LRRC37A2: variants seen among roughly 807,000 people sequenced by gnomAD.
LRRC37A2 encodes the protein leucine rich repeat containing 37 member A2, also known as leucine-rich repeat-containing protein 37A2.
LRRC37A2 carries 9 observed loss-of-function variants against 68.8 expected under a neutral mutation model. That is an observed-to-expected ratio of 0.13 (90% CI 0.08 to 0.23). LRRC37A2 has a LOEUF of 0.23. LRRC37A2 is among the 10% of genes least tolerant of loss of function. LRRC37A2 has a pLI of 1.00. For synonymous variants in LRRC37A2, 63 were observed against 367.6 expected, an observed-to-expected ratio of 0.17 and a Z score of 9.48; for missense variants, 168 against 950.4, an observed-to-expected ratio of 0.18 and a Z score of 10.82.
the LRRC37A2 span, among the ~76,000 whole-genome samples, chr17:46,951,786 C>T: frequency 6.6e-6 from 1 of 152,140 alleles, no homozygotes; most frequent in African/African-American, 2.4e-5. Context: ...AAAAATGGCC[C>T]AGGGTGGGAG....
intron 6 of LRRC37A2, among the ~76,000 whole-genome samples, chr17:46,533,803 G>T: frequency 1.1e-5 from 1 of 94,036 alleles, no homozygotes; most frequent in African/African-American, 6.3e-5. Context: ...CGCCCAGCCA[G>T]TGCTTTTTAT....
chr17:46,717,384 A>T, the LRRC37A2 span, among the ~76,000 whole-genome samples: 1 of 152,122 alleles, frequency 6.6e-6, no homozygotes, highest in East Asian at 1.9e-4. Flanking sequence ...AAGTAATAAG[A>T]TCTAGTGTTG....
chr17:47,026,799 G>A, the LRRC37A2 span, among the ~76,000 whole-genome samples: 1 of 152,168 alleles, frequency 6.6e-6, no homozygotes, highest in Non-Finnish European at 1.5e-5. Context: ...ATTAGGTAAA[G>A]GGGTAGCTTC....
the LRRC37A2 span, among the ~76,000 whole-genome samples, chr17:47,026,278 T>A: frequency 6.6e-6 from 1 of 152,122 alleles, no homozygotes; most frequent in African/African-American, 2.4e-5. Context: ...AGGAATGCCA[T>A]GAGTACCCGT....
At chr17:46,938,769 C>T in the LRRC37A2 span, 12 of 1,613,806 alleles carry the variant, frequency 7.4e-6, no homozygotes, top group South Asian at 7.7e-5. Flanking sequence ...GAGCCAGCCA[C>T]GCTCAGTGGC....
At chr17:46,852,389 A>AGTGTGTGTGTGTGTGTGT in the LRRC37A2 span, among the ~76,000 whole-genome samples, 1 of 105,322 alleles carries the variant, frequency 9.5e-6, no homozygotes, top group African/African-American at 3.7e-5. Flanking sequence ...GAGAGGGCCC[A>AGTGTGTGTGTGTGTGTGT]GTGTGTGTGT....
At chr17:46,940,966 G>T in the LRRC37A2 span, 1 of 1,225,856 alleles carries the variant, frequency 8.2e-7, no homozygotes, top group Admixed American at 3.5e-5. Context: ...CACCGCCTCA[G>T]TGTAGGGAAG....
chr17:47,023,744 TCC>T, the LRRC37A2 span, among the ~76,000 whole-genome samples: 1 of 151,962 alleles, frequency 6.6e-6, no homozygotes. Flanking sequence ...ACAGGTGCCC[TCC>T]ATCACACCCA....
chr17:46,925,359 T>C, the LRRC37A2 span, among the ~76,000 whole-genome samples: 1 of 152,380 alleles, frequency 6.6e-6, no homozygotes. Flanking sequence ...TGAATATTTA[T>C]TGAGCACCTA....
chr17:46,879,092 T>C, the LRRC37A2 span, among the ~76,000 whole-genome samples: 1 of 152,234 alleles, frequency 6.6e-6, no homozygotes, highest in Non-Finnish European at 1.5e-5. Context: ...ACCTCAAATA[T>C]ATAGTTTTTA....
At chr17:46,713,882 G>A in the LRRC37A2 span, 1 of 1,612,424 alleles carries the variant, frequency 6.2e-7, no homozygotes, top group South Asian at 1.1e-5. Context: ...GACTGCTTTA[G>A]CTGCAAAAAT....
the LRRC37A2 span, among the ~76,000 whole-genome samples, chr17:46,892,064 G>A: frequency 1.3e-5 from 2 of 151,518 alleles, no homozygotes; most frequent in African/African-American, 4.9e-5. Context: ...GATTACAGGT[G>A]TCCACCACCA....
chr17:46,939,070 C>CGT, the LRRC37A2 span: 1 of 1,228,644 alleles, frequency 8.1e-7, no homozygotes, highest in South Asian at 1.5e-5. Flanking sequence ...ATAGCTGATG[C>CGT]GTGCCCTGGG....
At chr17:46,661,383 T>TATG in the LRRC37A2 span, among the ~76,000 whole-genome samples, 2 of 94,468 alleles carry the variant, frequency 2.1e-5, no homozygotes, top group Non-Finnish European at 3.6e-5. Context: ...TTCTTTTTAT[T>TATG]ATTATTATTA....
chr17:46,923,165 C>A, the LRRC37A2 span: 3 of 1,465,082 alleles, frequency 2.0e-6, no homozygotes, highest in Admixed American at 2.0e-5. Flanking sequence ...AAGCCAGAGC[C>A]GGAGCCGTGG....
the LRRC37A2 span, among the ~76,000 whole-genome samples, chr17:46,802,455 A>G: frequency 6.6e-6 from 1 of 152,068 alleles, no homozygotes; most frequent in Non-Finnish European, 1.5e-5. Flanking sequence ...TTTAGTAGAG[A>G]TGGGGTTTCA....
At chr17:47,012,711 A>T in the LRRC37A2 span, among the ~76,000 whole-genome samples, 1 of 152,234 alleles carries the variant, frequency 6.6e-6, no homozygotes, top group African/African-American at 2.4e-5. Context: ...ACTTTTGTCA[A>T]GAAGACAGAC....
chr17:46,753,493 A>G, the LRRC37A2 span, among the ~76,000 whole-genome samples: 1 of 152,140 alleles, frequency 6.6e-6, no homozygotes, highest in South Asian at 2.1e-4. Context: ...CAGACTAACC[A>G]CTTTGTTTAG....
At chr17:46,892,875 T>C in the LRRC37A2 span, among the ~76,000 whole-genome samples, 4 of 152,178 alleles carry the variant, frequency 2.6e-5, no homozygotes, top group Non-Finnish European at 5.9e-5. Context: ...ACTGTGTAAG[T>C]GTCTGTTGAA....
Sources: gnomAD v4.1 joint callset for allele counts (sites outside exome capture counted in the v4.1 genomes callset) on GRCh38, gnomAD v4.1.1 for gene constraint, MANE v1.5 for transcripts, NCBI Gene and HGNC (gene_info 2026-07-23, HGNC 2026-07-21) for gene names.